The following PCDH7 variants were observed in gnomAD, a reference collection of about 807,000 sequenced individuals.
PCDH7 encodes the protein protocadherin-7.
Under a neutral mutation model 58.9 loss-of-function variants are expected in PCDH7, and 17 were observed. The observed-to-expected ratio is 0.29, with a 90% CI of 0.20 to 0.43. The LOEUF is 0.43. Ranked by LOEUF, PCDH7 falls within the 20% of genes least tolerant of loss-of-function variation. The pLI is 1.00. For missense variants in PCDH7, 1,274 were observed against 1,441.0 expected (o/e 0.88, Z 1.88); for synonymous variants, 664 against 616.4 (o/e 1.08, Z -1.14).
intron 3 of PCDH7, among the ~76,000 whole-genome samples, chr4:31,056,762 C>T (rs1757293323): frequency 6.6e-6 from 1 of 151,830 alleles, no homozygotes; most frequent in Non-Finnish European, 1.5e-5. Flanking sequence ...AAAGAGAGCC[C>T]AATGATGGGA....
chr4:30,879,883 C>T (rs1474645429), intron 1 of PCDH7, among the ~76,000 whole-genome samples: 2 of 151,976 alleles, frequency 1.3e-5, no homozygotes, highest in African/African-American at 4.8e-5. Context: ...GATTATAGAC[C>T]TCTTTGATAA....
chr4:30,777,986 G>C (rs1304416646), intron 1 of PCDH7, among the ~76,000 whole-genome samples: 2 of 152,084 alleles, frequency 1.3e-5, no homozygotes, highest in African/African-American at 2.4e-5. Flanking sequence ...GTTTGGCTTT[G>C]AGCCATAATA....
chr4:30,976,679 G>C (rs1750103493), intron 3 of PCDH7, among the ~76,000 whole-genome samples: 1 of 152,034 alleles, frequency 6.6e-6, no homozygotes, highest in African/African-American at 2.4e-5. Context: ...GATTACAGGG[G>C]TGAGCCACTG....
At chr4:30,901,684 T>C (rs555532266) in intron 1 of PCDH7, among the ~76,000 whole-genome samples, 2 of 152,216 alleles carry the variant, frequency 1.3e-5, no homozygotes, top group South Asian at 4.1e-4. Flanking sequence ...CTGCAGATAA[T>C]GTCTGGTGGA....
At chr4:30,855,735 T>G (rs950555631) in intron 1 of PCDH7, among the ~76,000 whole-genome samples, 1 of 152,150 alleles carries the variant, frequency 6.6e-6, no homozygotes, top group African/African-American at 2.4e-5. Context: ...AATAGGGCAA[T>G]TCTGTTCTTT....
At chr4:31,102,553 T>A (rs1426158991) in intron 3 of PCDH7, among the ~76,000 whole-genome samples, 1 of 151,826 alleles carries the variant, frequency 6.6e-6, no homozygotes, top group East Asian at 1.9e-4. Context: ...CGAAACTCTG[T>A]CTCTACTAAA....
chr4:31,089,013 C>G (rs1712861925), intron 3 of PCDH7, among the ~76,000 whole-genome samples: 1 of 151,916 alleles, frequency 6.6e-6, no homozygotes. Flanking sequence ...TGTGTTTGCA[C>G]TACATTTTTT....
At chr4:30,882,123 G>T (rs936205184) in intron 1 of PCDH7, among the ~76,000 whole-genome samples, 3 of 77,126 alleles carry the variant, frequency 3.9e-5, no homozygotes, top group Admixed American at 2.1e-4. Context: ...TCCTCCTCCC[G>T]TTTCTCTCCC....
At chr4:31,027,454 A>C (rs1248986985) in intron 3 of PCDH7, among the ~76,000 whole-genome samples, 5 of 152,092 alleles carry the variant, frequency 3.3e-5, no homozygotes, top group Admixed American at 3.3e-4. Flanking sequence ...GACGGAGTCT[A>C]GCTCTGTCAC....
At chr4:31,037,981 G>A (rs1303851535) in intron 3 of PCDH7, among the ~76,000 whole-genome samples, 1 of 152,234 alleles carries the variant, frequency 6.6e-6, no homozygotes, top group African/African-American at 2.4e-5. Flanking sequence ...GCAATACTTG[G>A]AATTCAGGTA....
At chr4:30,860,012 C>T (rs570619350) in intron 1 of PCDH7, among the ~76,000 whole-genome samples, 1 of 152,144 alleles carries the variant, frequency 6.6e-6, no homozygotes, top group African/African-American at 2.4e-5. Context: ...TGGGGAAATT[C>T]CAAAAGTAGT....
Position 30,722,241 on chromosome 4 carries a change from C to A in PCDH7, c.819C>A (p.Ser273=), listed in dbSNP as rs1713747790. Residue 273 remains serine (S), a synonymous_variant, in exon 1 of 2, where the codon TCC becomes TCA. Transcript: ENST00000361762. This position sits in a 1 kb window ranked among gnomAD's most constrained non-coding sequence, Gnocchi z 7.6. Reference sequence around the variant, plus strand: ...CGCTGGACCGCGAGCAGCGCGACTCCTACGAGCTGACCCTGCGAGTGCGCG... The same window carrying A: ...CGCTGGACCGCGAGCAGCGCGACTCATACGAGCTGACCCTGCGAGTGCGCG... 6.3e-7 allele frequency: 1 copy of A among 1,595,202 alleles called. No homozygotes were observed. Among genetic ancestry groups the A allele is most frequent in the East Asian group, 2.3e-5 (1 of 43,794 alleles).
At chr4:31,089,212 C>T (rs183080337) in intron 3 of PCDH7, among the ~76,000 whole-genome samples, 13 of 151,970 alleles carry the variant, frequency 8.6e-5, no homozygotes, top group Admixed American at 2.6e-4. Context: ...TATAATTGGA[C>T]TATGTCTTCA....
chr4:30,888,434 A>G (rs904188819), intron 1 of PCDH7, among the ~76,000 whole-genome samples: 1 of 152,244 alleles, frequency 6.6e-6, no homozygotes, highest in Non-Finnish European at 1.5e-5. Flanking sequence ...AATAAGCTGC[A>G]AGGCAGAAAT....
chr4:31,098,567 A>G (rs745746776), intron 3 of PCDH7, among the ~76,000 whole-genome samples: 1 of 152,148 alleles, frequency 6.6e-6, no homozygotes, highest in Admixed American at 6.5e-5. Flanking sequence ...GTACCAAACT[A>G]CTTGGGCTCA....
chr4:30,985,092 G>T (rs545951298), intron 3 of PCDH7, among the ~76,000 whole-genome samples: 6 of 152,212 alleles, frequency 3.9e-5, no homozygotes, highest in Non-Finnish European at 5.9e-5. Flanking sequence ...CAGTAGCTGG[G>T]ATTACAGGTG....
At position 30,954,498 on chromosome 4, in the gene PCDH7, G is replaced by C. The variant is rs369378176; in HGVS notation, c.*7+4283G>C. 4.9e-4 allele frequency among the ~76,000 whole-genome samples: 75 copies of C among 152,166 alleles called. 2 individuals carry two copies. The South Asian group carries it at 0.015, about 30-fold the overall frequency. Reference sequence around the variant, plus strand: ...TGCTTTTTGACATTCAGTTACCAAAGCGATACCCTTTAGGTATTAGATTAT... The same window carrying C: ...TGCTTTTTGACATTCAGTTACCAAACCGATACCCTTTAGGTATTAGATTAT... On this transcript the variant is annotated intron_variant, in intron 3 of 3. Coordinates refer to the PCDH7 transcript ENST00000509759.
chr4:30,789,814 C>T (rs1055221198), intron 1 of PCDH7, among the ~76,000 whole-genome samples: 6 of 152,122 alleles, frequency 3.9e-5, no homozygotes, highest in African/African-American at 7.2e-5. Context: ...GAAGATTAGA[C>T]GAGAGAGTTG....
chr4:31,013,469 G>A (rs1229944021), intron 3 of PCDH7, among the ~76,000 whole-genome samples: 2 of 149,390 alleles, frequency 1.3e-5, no homozygotes, highest in Non-Finnish European at 1.5e-5. Context: ...TATAATATGT[G>A]CATATATAAT....
Sources: gnomAD v4.1 joint callset for allele counts (sites outside exome capture counted in the v4.1 genomes callset) on GRCh38, gnomAD v4.1.1 for gene constraint, Gnocchi (gnomAD v3.1) non-coding constraint, MANE v1.5 for transcripts, NCBI Gene and HGNC (gene_info 2026-07-23, HGNC 2026-07-21) for gene names.